FBXO9: variants seen among roughly 807,000 people sequenced by gnomAD.
FBXO9 encodes F-box protein 9, also known as F-box only protein 9.
Under a neutral mutation model 63.7 loss-of-function variants are expected in FBXO9, and 43 were observed. That is an observed-to-expected ratio of 0.67 (90% CI 0.53 to 0.87). The LOEUF (loss-of-function observed/expected upper bound fraction) is 0.87. Ranked by LOEUF, FBXO9 falls within the 40% of genes least tolerant of loss-of-function variation. FBXO9 has a pLI of 0.00. For missense variants in FBXO9, 442 were observed against 533.2 expected (o/e 0.83, Z 1.68); for synonymous variants, 156 against 171.7 (o/e 0.91, Z 0.72).
chr6:53,071,951 C>T (rs757026806), intron 2 of FBXO9, among the ~76,000 whole-genome samples: 4 of 152,170 alleles, frequency 2.6e-5, no homozygotes, highest in African/African-American at 9.7e-5. Flanking sequence ...TGCATCCATA[C>T]AGTGAAAACA....
At chr6:53,097,232 A>G (rs1763236953) in intron 12 of FBXO9, among the ~76,000 whole-genome samples, 1 of 152,138 alleles carries the variant, frequency 6.6e-6, no homozygotes, top group Admixed American at 6.5e-5. Flanking sequence ...TATTTCTGAA[A>G]CATTTTAAGA....
In FBXO9 at chr6:53,081,017, T is replaced by C; in HGVS notation, c.457T>C (p.Phe153Leu). ...DSKMADLLSY[F>L]QQQLTFQESV... ...CAAAATGGCAGATCTCTTGTCCTAC[T>C]TCCAGCAGCAACTCACATTTCAGGA... is the stretch of plus-strand genomic sequence containing the variant. Residue 153 changes from phenylalanine to leucine, a missense_variant, in exon 6 of 13, where the codon TTC becomes CTC. Physicochemically the swap from Phe to Leu is conservative, Grantham distance 22. Around this residue, in one of 2 missense-constraint regions of FBXO9, gnomAD observed 262 missense variants for 362.1 expected, o/e 0.72. Transcript: ENST00000323557. 1 of 1,613,738 alleles carries C rather than the reference T, an allele frequency of 6.2e-7. No individual in the cohort carries two copies. The highest frequency in any genetic ancestry group is 8.5e-7 in the Non-Finnish European group (1 of 1,179,878).
chr6:53,066,736 A>G (rs886223110), intron 1 of FBXO9, among the ~76,000 whole-genome samples: 1 of 152,256 alleles, frequency 6.6e-6, no homozygotes, highest in Non-Finnish European at 1.5e-5. Flanking sequence ...CCTGTGAAAC[A>G]GGAGTAACAT....
chr6:53,088,922 C>G (rs111536047), intron 7 of FBXO9, among the ~76,000 whole-genome samples: 11,488 of 146,102 alleles, frequency 0.079, 1,112 homozygotes, highest in African/African-American at 0.23. Context: ...TTCTTTCTTT[C>G]TTTGTTTTTT....
At chr6:53,092,951 A>C in intron 9 of FBXO9, 127 bp downstream of exon 9, 1 of 525,796 alleles carries the variant, frequency 1.9e-6, no homozygotes, top group Non-Finnish European at 3.3e-6. Flanking sequence ...TCTAGTACTC[A>C]ATGTAGGAAT....
At chr6:53,068,654 G>GGT (rs1768799220) in intron 1 of FBXO9, among the ~76,000 whole-genome samples, 1 of 132,210 alleles carries the variant, frequency 7.6e-6, no homozygotes, top group Non-Finnish European at 1.6e-5. Flanking sequence ...ATATATATGT[G>GGT]TTTTTTTTTT....
At position 53,096,146 on chromosome 6, in the gene FBXO9, T is replaced by C. The variant is rs146138365; in HGVS notation, c.1205+482T>C. ...AATAAGAGGTATTCCAAAGCCAAAT[T>C]TGTTAGGTGATTCCTATTTAAAACT... On this transcript the variant is annotated intron_variant, in intron 12 of 12. Coordinates refer to ENST00000323557, the MANE Select transcript of FBXO9 (RefSeq NM_033480.3). 2.6e-3 allele frequency among the ~76,000 whole-genome samples: 389 copies of C among 152,290 alleles called. 1 individual carries two copies. Among genetic ancestry groups the C allele is most frequent in the African/African-American group, 6.7e-3 (279 of 41,554 alleles).
At chr6:53,096,062 C>G (rs181034740) in intron 12 of FBXO9, among the ~76,000 whole-genome samples, 1 of 152,028 alleles carries the variant, frequency 6.6e-6, no homozygotes, top group African/African-American at 2.4e-5. Flanking sequence ...TTGTTTTATC[C>G]TCAGGGATTA....
At position 53,095,504 on chromosome 6, in the gene FBXO9, CT is replaced by C. The variant is rs1162310138; in HGVS notation, c.1054-5del. The stretch of plus-strand genomic sequence containing the variant: ...TTTCATTATAACTTATGCATCTTTT[CT>C]TTTGCAGAAACCACTTGACTATAAA... On this transcript the variant is annotated splice_polypyrimidine_tract_variant and splice_region_variant and intron_variant, in intron 11 of 12. Coordinates refer to ENST00000323557, the MANE Select transcript of FBXO9 (RefSeq NM_033480.3). 6.2e-7 allele frequency: 1 copy of C among 1,602,634 alleles called. No homozygotes were observed.
intron 5 of FBXO9, among the ~76,000 whole-genome samples, chr6:53,080,112 T>C (rs968648620): frequency 1.2e-4 from 19 of 152,148 alleles, no homozygotes; most frequent in African/African-American, 4.6e-4. Context: ...TTTCCCATTT[T>C]TTATACAAAC....
intron 3 of FBXO9, among the ~76,000 whole-genome samples, chr6:53,074,413 A>G (rs930395527): frequency 1.3e-5 from 2 of 152,240 alleles, no homozygotes; most frequent in Non-Finnish European, 1.5e-5. Context: ...CTCCGATGGT[A>G]ACAACTTGCA....
At chr6:53,077,850 A>G (rs1769173995) in intron 4 of FBXO9, among the ~76,000 whole-genome samples, 1 of 152,206 alleles carries the variant, frequency 6.6e-6, no homozygotes, top group Admixed American at 6.5e-5. Context: ...CCAGAATAAT[A>G]GAACATGGCA....
intron 1 of FBXO9, among the ~76,000 whole-genome samples, chr6:53,066,353 G>A (rs1562060677): frequency 6.6e-6 from 1 of 152,198 alleles, no homozygotes; most frequent in Non-Finnish European, 1.5e-5. Flanking sequence ...GGGGTTGGAG[G>A]GTTCGTCTCC....
chr6:53,084,072 A>G (rs1224805369), intron 7 of FBXO9, among the ~76,000 whole-genome samples: 1 of 152,262 alleles, frequency 6.6e-6, no homozygotes, highest in Non-Finnish European at 1.5e-5. Flanking sequence ...TTTGTTACTC[A>G]AAATGCTGGG....
chr6:53,095,497 A>G lies in FBXO9; in HGVS notation c.1054-16A>G, dbSNP rs775469562. The G allele has an allele frequency of 5.0e-6, 8 of 1,600,576 alleles. No homozygotes were observed. Among genetic ancestry groups the G allele is most frequent in the East Asian group, 4.5e-5 (2 of 44,754 alleles). On this transcript the variant is annotated splice_polypyrimidine_tract_variant and intron_variant, in intron 11 of 12. Transcript: ENST00000323557. ...GGTAAGGTTTCATTATAACTTATGC[A>G]TCTTTTCTTTTGCAGAAACCACTTG... is the stretch of plus-strand genomic sequence containing the variant.
Position 53,095,658 on chromosome 6 carries a change from C to T in FBXO9, c.1199C>T (p.Thr400Ile). 6.2e-7 allele frequency: 1 copy of T among 1,607,752 alleles called. No individual in the cohort carries two copies. Among genetic ancestry groups the T allele is most frequent in the Non-Finnish European group, 8.5e-7 (1 of 1,177,576 alleles). Residue 400 changes from threonine to isoleucine, a missense_variant, in exon 12 of 13, where the codon ACT becomes ATT. Thr to Ile is a moderately conservative substitution (Grantham distance 89). Coordinates refer to ENST00000323557, the MANE Select transcript of FBXO9 (RefSeq NM_033480.3). ...TGGATACATCATTCTTGTCACATTA[C>T]TTACAAGTAGGTGAATGCAATAAAA... ...LIWIHHSCHITYKSTGETAVS... is the reference protein window; with the variant it reads ...LIWIHHSCHIIYKSTGETAVS...
At chr6:53,078,984 A>G in intron 5 of FBXO9, 86 bp downstream of exon 5, 1 of 951,432 alleles carries the variant, frequency 1.1e-6, no homozygotes, top group Non-Finnish European at 1.7e-6. Flanking sequence ...GATGGTGCTA[A>G]TTCTGTTGAG....
At chr6:53,068,653 T>G (rs982386252) in intron 1 of FBXO9, among the ~76,000 whole-genome samples, 1 of 75,994 alleles carries the variant, frequency 1.3e-5, no homozygotes, top group African/African-American at 4.1e-5. Flanking sequence ...TATATATATG[T>G]GTTTTTTTTT....
chr6:53,083,870 A>G (rs193274513), intron 7 of FBXO9, among the ~76,000 whole-genome samples: 1 of 152,260 alleles, frequency 6.6e-6, no homozygotes, highest in East Asian at 1.9e-4. Flanking sequence ...TTGACATCCC[A>G]TAGTACCAGC....
Sources: gnomAD v4.1 joint callset for allele counts (sites outside exome capture counted in the v4.1 genomes callset) on GRCh38, gnomAD v4.1.1 for gene constraint, gnomAD v4.1.1 regional missense constraint, MANE v1.5 for transcripts, NCBI Gene and HGNC (gene_info 2026-07-23, HGNC 2026-07-21) for gene names.